DCDC2C: variants seen among roughly 807,000 people sequenced by gnomAD.
DCDC2C encodes doublecortin domain containing 2C.
Under a neutral mutation model 45.0 loss-of-function variants are expected in DCDC2C, and 44 were observed. The observed-to-expected ratio is 0.98, with a 90% CI of 0.77 to 1.26. The LOEUF is 1.26. Among genes scored for constraint, DCDC2C ranks in the 50% most tolerant of loss-of-function variants. The probability of loss-of-function intolerance (pLI) is 0.00; values close to 1 mark genes in which losing one functional copy is unlikely to be tolerated. For missense variants in DCDC2C, 447 were observed against 468.9 expected (o/e 0.95, Z 0.43); for synonymous variants, 187 against 178.8 (o/e 1.05, Z -0.37).
At chr2:3,782,908 C>T (rs1419522043) in intron 9 of DCDC2C, among the ~76,000 whole-genome samples, 2 of 152,204 alleles carry the variant, frequency 1.3e-5, no homozygotes, top group East Asian at 3.8e-4. Context: ...TGAAAAGGTT[C>T]AATCCCTTTC....
Position 3,771,166 on chromosome 2 carries a change from A to G in DCDC2C, c.954+1755A>G, listed in dbSNP as rs530429974. Among the ~76,000 whole-genome samples the G allele has an allele frequency of 9.3e-4, 142 of 152,314 alleles. 1 individual carries two copies. The highest frequency in any genetic ancestry group is 1.8e-3 in the Non-Finnish European group (120 of 68,028). On this transcript the variant is annotated intron_variant, in intron 8 of 10. Coordinates refer to ENST00000399143, the MANE Select transcript of DCDC2C (RefSeq NM_001287444.2). ...CTCTGCATCCTCCGTGCGTGGCGAG[A>G]GCAGAAAGAGCGGCTGTCAGCTGGG...
chr2:3,745,653 C>T (rs357979), intron 4 of DCDC2C, among the ~76,000 whole-genome samples: 98,308 of 152,140 alleles, frequency 0.65, 32,394 homozygotes, highest in East Asian at 0.97. Flanking sequence ...TTTATCGTTC[C>T]TTAGATAATG....
chr2:3,800,449 A>G (rs1671086752), intron 10 of DCDC2C, among the ~76,000 whole-genome samples: 1 of 152,176 alleles, frequency 6.6e-6, no homozygotes, highest in African/African-American at 2.4e-5. Context: ...CCCAAACACT[A>G]TCAGTTGTTT....
At chr2:3,738,880 C>T (rs1669109568) in intron 3 of DCDC2C, among the ~76,000 whole-genome samples, 1 of 152,178 alleles carries the variant, frequency 6.6e-6, no homozygotes, top group Admixed American at 6.5e-5. Context: ...TCACAGACTT[C>T]CAGGGAAACT....
At chr2:3,741,383 A>G (rs73144806) in intron 3 of DCDC2C, among the ~76,000 whole-genome samples, 2,700 of 152,282 alleles carry the variant, frequency 0.018, 76 homozygotes, top group African/African-American at 0.062. Flanking sequence ...GACATGTTTT[A>G]TAAAAAGTGG....
In DCDC2C at chr2:3,718,455, G is replaced by A. The variant is rs182393010; in HGVS notation, c.340-8548G>A. On this transcript the variant is annotated intron_variant, in intron 2 of 10. Transcript: ENST00000399143. ...GCAGGGAGTGCCTCTGTGGGTGCAT[G>A]ATACATAAATCAAGTGTGTGGCTGT... Among the ~76,000 whole-genome samples the A allele has an allele frequency of 8.6e-4, 131 of 152,294 alleles. 1 individual carries two copies. The highest frequency in any genetic ancestry group is 3.0e-3 in the African/African-American group (126 of 41,546).
chr2:3,831,252 A>G (rs1386448540), intron 10 of DCDC2C, among the ~76,000 whole-genome samples: 5 of 152,218 alleles, frequency 3.3e-5, no homozygotes, highest in Non-Finnish European at 7.3e-5. Flanking sequence ...ATGTACTTAC[A>G]GCTGTGCATT....
At chr2:3,732,142 T>G (rs1213491267) in intron 3 of DCDC2C, among the ~76,000 whole-genome samples, 6 of 152,068 alleles carry the variant, frequency 3.9e-5, no homozygotes, top group Non-Finnish European at 8.8e-5. Context: ...TGGATGTGGT[T>G]CGGGGGACCG....
chr2:3,825,348 G>A (rs1409306330), intron 10 of DCDC2C, among the ~76,000 whole-genome samples: 6 of 152,166 alleles, frequency 3.9e-5, no homozygotes, highest in Non-Finnish European at 5.9e-5. Context: ...AGCCAGGCTC[G>A]AATCCTGTGC....
intron 8 of DCDC2C, among the ~76,000 whole-genome samples, chr2:3,776,515 G>A (rs987862014): frequency 3.5e-4 from 53 of 152,124 alleles, no homozygotes; most frequent in African/African-American, 1.1e-3. Context: ...TTGCAATGCT[G>A]TCTTCCTTTG....
chr2:3,823,200 T>C (rs1427043617), intron 10 of DCDC2C, among the ~76,000 whole-genome samples: 1 of 152,206 alleles, frequency 6.6e-6, no homozygotes, highest in Non-Finnish European at 1.5e-5. Context: ...CTCAAAGTAT[T>C]TTCTAATTTT....
chr2:3,769,801 T>A (rs922295766), intron 8 of DCDC2C, among the ~76,000 whole-genome samples: 1 of 152,196 alleles, frequency 6.6e-6, no homozygotes, highest in Non-Finnish European at 1.5e-5. Flanking sequence ...AATTTTTTTG[T>A]GGAATGATGA....
intron 10 of DCDC2C, among the ~76,000 whole-genome samples, chr2:3,811,953 T>A (rs1671407227): frequency 6.6e-6 from 1 of 152,228 alleles, no homozygotes; most frequent in Non-Finnish European, 1.5e-5. Flanking sequence ...GTGGATAAGC[T>A]TTTTAACGTG....
chr2:3,806,497 A>G, intron 10 of DCDC2C, among the ~76,000 whole-genome samples: 1 of 151,864 alleles, frequency 6.6e-6, no homozygotes, highest in East Asian at 1.9e-4. Context: ...CCTCATTGAC[A>G]AAGTGCATGA....
At chr2:3,840,828 G>T (rs775780298) in intron 10 of DCDC2C, among the ~76,000 whole-genome samples, 1 of 152,178 alleles carries the variant, frequency 6.6e-6, no homozygotes, top group Non-Finnish European at 1.5e-5. Flanking sequence ...TGCGAGTTTC[G>T]CAGTGAAAGT....
At chr2:3,744,390 T>A (rs1016617267) in intron 4 of DCDC2C, among the ~76,000 whole-genome samples, 3 of 152,066 alleles carry the variant, frequency 2.0e-5, no homozygotes, top group Non-Finnish European at 4.4e-5. Flanking sequence ...AGCGGGAGAC[T>A]GGGAGGCCAA....
At chr2:3,772,947 A>T (rs1201409544) in intron 8 of DCDC2C, among the ~76,000 whole-genome samples, 2 of 152,214 alleles carry the variant, frequency 1.3e-5, no homozygotes, top group African/African-American at 4.8e-5. Flanking sequence ...GTGGGTGCTC[A>T]TCTGTGGCTC....
intron 10 of DCDC2C, among the ~76,000 whole-genome samples, chr2:3,842,608 CA>C (rs1285797691): frequency 7.2e-6 from 1 of 138,222 alleles, no homozygotes; most frequent in Non-Finnish European, 1.5e-5. Context: ...TAAGGTCCAT[CA>C]GTGAGAAGAA....
chr2:3,768,131 C>T (rs1315597949), intron 7 of DCDC2C, among the ~76,000 whole-genome samples: 1 of 151,790 alleles, frequency 6.6e-6, no homozygotes, highest in African/African-American at 2.4e-5. Flanking sequence ...TATTTAAAAT[C>T]AGCTTACACC....
Sources: gnomAD v4.1 joint callset for allele counts (sites outside exome capture counted in the v4.1 genomes callset) on GRCh38, gnomAD v4.1.1 for gene constraint, MANE v1.5 for transcripts, NCBI Gene and HGNC (gene_info 2026-07-23, HGNC 2026-07-21) for gene names.